PI4KA: variants seen among roughly 807,000 people sequenced by gnomAD.
The protein encoded by PI4KA is PI4-kinase alpha.
Under a neutral mutation model 271.4 loss-of-function variants are expected in PI4KA, and 122 were observed. The observed-to-expected ratio is 0.45, with a 90% CI of 0.39 to 0.52. The LOEUF is 0.52. PI4KA is among the 20% of genes least tolerant of loss of function. The probability of loss-of-function intolerance (pLI) is 0.00; values close to 1 mark genes in which losing one functional copy is unlikely to be tolerated. For missense variants in PI4KA, 1,969 were observed against 2,769.1 expected, an observed-to-expected ratio of 0.71 and a Z score of 6.48; for synonymous variants, 1,041 against 1,078.8, an observed-to-expected ratio of 0.96 and a Z score of 0.69.
chr22:20,782,857 A>G (rs1433662605), intron 19 of PI4KA, among the ~76,000 whole-genome samples: 1 of 152,196 alleles, frequency 6.6e-6, no homozygotes, highest in Non-Finnish European at 1.5e-5. Context: ...AGGCAGACTC[A>G]GGGAGAAGGG....
At chr22:20,814,396 A>C (rs1921471166) in intron 7 of PI4KA, among the ~76,000 whole-genome samples, 1 of 152,170 alleles carries the variant, frequency 6.6e-6, no homozygotes, top group Non-Finnish European at 1.5e-5. Flanking sequence ...TTTTGAGATG[A>C]ATTGTAGTGA....
At chr22:20,735,282 T>C (rs1390567549) in intron 32 of PI4KA, among the ~76,000 whole-genome samples, 1 of 150,220 alleles carries the variant, frequency 6.7e-6, no homozygotes, top group Non-Finnish European at 1.5e-5. Flanking sequence ...AAACAGCATT[T>C]GGCATCTGGC....
At chr22:20,742,434 T>A in intron 31 of PI4KA, 79 bp from the exon 32 acceptor site, 3 of 1,579,394 alleles carry the variant, frequency 1.9e-6, no homozygotes, top group Non-Finnish European at 2.6e-6. Flanking sequence ...CAACAAGAGT[T>A]GACCAGCTGG....
chr22:20,835,130 G>GT (rs1386800775), intron 2 of PI4KA, among the ~76,000 whole-genome samples: 1 of 151,432 alleles, frequency 6.6e-6, no homozygotes, highest in East Asian at 1.9e-4. Flanking sequence ...CATTTTCCTT[G>GT]TGTTTTTTTT....
chr22:20,763,152 G>A (rs946233450), intron 22 of PI4KA, among the ~76,000 whole-genome samples: 9 of 151,472 alleles, frequency 5.9e-5, no homozygotes, highest in Non-Finnish European at 4.4e-5. Context: ...TCACTCTGTC[G>A]CCCAGGCTGC....
intron 1 of PI4KA, among the ~76,000 whole-genome samples, chr22:20,855,407 T>G (rs973044270): frequency 1.3e-5 from 2 of 152,126 alleles, no homozygotes; most frequent in Non-Finnish European, 2.9e-5. Flanking sequence ...TAGATAAGGA[T>G]GAGAGGAATT....
chr22:20,755,523 G>A (rs1198988783), intron 23 of PI4KA, among the ~76,000 whole-genome samples: 1 of 152,170 alleles, frequency 6.6e-6, no homozygotes, highest in Non-Finnish European at 1.5e-5. Context: ...AGAATGGGCT[G>A]GGCACAGTGG....
chr22:20,854,963 C>A (rs1436720044), intron 1 of PI4KA, among the ~76,000 whole-genome samples: 2 of 152,016 alleles, frequency 1.3e-5, no homozygotes, highest in Non-Finnish European at 2.9e-5. Flanking sequence ...ACCAGCCTGG[C>A]CAACACGGCG....
At chr22:20,797,997 A>G (rs981811723) in intron 17 of PI4KA, among the ~76,000 whole-genome samples, 1 of 152,208 alleles carries the variant, frequency 6.6e-6, no homozygotes, top group Non-Finnish European at 1.5e-5. Flanking sequence ...ATAGCCAAGA[A>G]GCATCTCTCA....
intron 30 of PI4KA, among the ~76,000 whole-genome samples, chr22:20,744,274 C>T (rs932353376): frequency 1.3e-5 from 2 of 151,986 alleles, no homozygotes; most frequent in Non-Finnish European, 2.9e-5. Flanking sequence ...TGGGAACCTC[C>T]GTTTATCTAT....
chr22:20,716,479 G>A (rs1197158512), intron 45 of PI4KA, among the ~76,000 whole-genome samples: 1 of 152,168 alleles, frequency 6.6e-6, no homozygotes, highest in African/African-American at 2.4e-5. Flanking sequence ...TGAGAGGTGG[G>A]CTTTGAGGGG....
intron 7 of PI4KA, among the ~76,000 whole-genome samples, chr22:20,816,955 G>C (rs1027786823): frequency 3.9e-5 from 6 of 152,190 alleles, no homozygotes; most frequent in African/African-American, 7.2e-5. Context: ...GGCACATCAT[G>C]GCCATCCTAA....
At chr22:20,814,643 G>C (rs890021259) in intron 7 of PI4KA, among the ~76,000 whole-genome samples, 3 of 151,756 alleles carry the variant, frequency 2.0e-5, no homozygotes, top group African/African-American at 7.3e-5. Flanking sequence ...AGCTACTCAG[G>C]AAGCTGGAGC....
At chr22:20,802,664 T>C (rs1204374157) in intron 13 of PI4KA, among the ~76,000 whole-genome samples, 1 of 152,150 alleles carries the variant, frequency 6.6e-6, no homozygotes, top group Non-Finnish European at 1.5e-5. Context: ...GCCTCCTGAG[T>C]AGCTAGGACT....
chr22:20,813,620 C>T (rs1002198966), intron 7 of PI4KA, 114 bp from the exon 8 acceptor site: 1 of 820,700 alleles, frequency 1.2e-6, no homozygotes, highest in Non-Finnish European at 1.9e-6. Flanking sequence ...TATTTATATC[C>T]CAATTCTCTG....
At chr22:20,786,424 G>T (rs200385824) in intron 19 of PI4KA, among the ~76,000 whole-genome samples, 1 of 152,330 alleles carries the variant, frequency 6.6e-6, no homozygotes, top group African/African-American at 2.4e-5. Flanking sequence ...GGGGAGACAT[G>T]TGCTGCGGTC....
chr22:20,790,694 A>AC (rs1934572705), intron 19 of PI4KA, among the ~76,000 whole-genome samples: 2 of 94,070 alleles, frequency 2.1e-5, no homozygotes, highest in South Asian at 3.5e-4. Context: ...AATTTAAAAA[A>AC]AACAAACACA....
intron 42 of PI4KA, among the ~76,000 whole-genome samples, chr22:20,723,340 A>G (rs1198041891): frequency 1.3e-5 from 2 of 151,996 alleles, no homozygotes; most frequent in Admixed American, 6.5e-5. Flanking sequence ...TTTTTTTGTA[A>G]AAGTATAAAC....
intron 30 of PI4KA, 45 bp from the exon 31 acceptor site, chr22:20,742,809 A>AT (rs752738885): frequency 3.7e-6 from 6 of 1,601,112 alleles, no homozygotes; most frequent in Non-Finnish European, 8.5e-7. Flanking sequence ...AATCCAGGCA[A>AT]TGTGGGTAAG....
Sources: allele counts gnomAD v4.1 joint callset (sites outside exome capture counted in the v4.1 genomes callset), GRCh38; gene constraint gnomAD v4.1.1; transcripts MANE v1.5; gene names NCBI Gene and HGNC (gene_info 2026-07-23, HGNC 2026-07-21).